Variants in AKIRIN2 observed in about 807,000 individuals in gnomAD.
AKIRIN2 encodes the protein akirin 2, also known as akirin-2.
A neutral mutation model predicts 29.3 loss-of-function variants in AKIRIN2; 6 were observed. The ratio of observed to expected loss-of-function variants is 0.20; its 90% CI spans 0.11 to 0.40. AKIRIN2 has a LOEUF of 0.40. Ranked by LOEUF, AKIRIN2 falls within the 10% of genes least tolerant of loss-of-function variation. The probability of loss-of-function intolerance (pLI) is 1.00; values close to 1 mark genes in which losing one functional copy is unlikely to be tolerated. For synonymous variants in AKIRIN2, 128 were observed against 117.5 expected (o/e 1.09, Z -0.58); for missense variants, 210 against 276.1 (o/e 0.76, Z 1.70).
At chr6:87,686,486 T>C (rs1402562872) in intron 1 of AKIRIN2, among the ~76,000 whole-genome samples, 1 of 152,096 alleles carries the variant, frequency 6.6e-6, no homozygotes, top group Non-Finnish European at 1.5e-5. Flanking sequence ...TCAAAATATC[T>C]TTCTAGGGTC....
In AKIRIN2 at chr6:87,675,251, T is replaced by C. The variant is rs1437066748; in HGVS notation, c.*346A>G. The C allele has an allele frequency of 6.7e-6, 2 of 299,790 alleles. No homozygotes were observed. The highest frequency in any genetic ancestry group is 2.1e-5 in the African/African-American group (1 of 47,288). The allele number at this position is 299,790 out of a possible 1,614,324, so 18.6% of individuals were successfully genotyped here. A position where few individuals can be genotyped will look rare whatever the true frequency, so the allele number is the denominator to read the frequency against. Reference sequence around the variant, plus strand: ...CAATTAAAATCACACTAACTTCATCTGAAGTGTCATTCTACAGTTTTATTT... The same window carrying C: ...CAATTAAAATCACACTAACTTCATCCGAAGTGTCATTCTACAGTTTTATTT... On this transcript the variant is annotated 3_prime_UTR_variant, in exon 5 of 5. Coordinates refer to ENST00000257787, the MANE Select transcript of AKIRIN2 (RefSeq NM_018064.4).
chr6:87,682,946 C>CT (rs1462167691), intron 1 of AKIRIN2, among the ~76,000 whole-genome samples: 1 of 152,010 alleles, frequency 6.6e-6, no homozygotes, highest in Admixed American at 6.6e-5. Context: ...AAAAAGAAAG[C>CT]TAAAGATTTA....
chr6:87,677,736 AG>A, intron 3 of AKIRIN2, 81 bp downstream of exon 3: 1 of 1,485,296 alleles, frequency 6.7e-7, no homozygotes. Context: ...ACCAGTGTAT[AG>A]AAAGTGAAAT....
chr6:87,691,335 G>T (rs1258954867), intron 1 of AKIRIN2, among the ~76,000 whole-genome samples: 1 of 151,366 alleles, frequency 6.6e-6, no homozygotes, highest in East Asian at 1.9e-4. Context: ...CAGCTACTTG[G>T]GTGGCTGAGG....
Position 87,702,151 on chromosome 6 carries a change from G to A in AKIRIN2, c.-467C>T. ...GGTCAGTAGCTTGCGAGCGGCGATC[G>A]ATGCAGAGAGATTGCGAGGTAGCTG... On this transcript the variant is annotated 5_prime_UTR_variant, in exon 1 of 5. Transcript: ENST00000257787. 1 of 398,640 alleles carries A rather than the reference G, an allele frequency of 2.5e-6. No individual in the cohort carries two copies. 24.7% of individuals were successfully genotyped at this position (398,640 alleles called of 1,614,324 possible). A position where few individuals can be genotyped will look rare whatever the true frequency, so the allele number is the denominator to read the frequency against.
At position 87,701,454 on chromosome 6, in the gene AKIRIN2, G is replaced by A. The variant is rs1582128518; in HGVS notation, c.231C>T (p.Thr77=). 4 of 1,528,724 alleles carry A rather than the reference G, an allele frequency of 2.6e-6. No homozygotes were observed. The highest frequency in any genetic ancestry group is 3.5e-6 in the Non-Finnish European group (4 of 1,140,146). The allele number at this position is 1,528,724 out of a possible 1,614,324, so 94.7% of individuals were successfully genotyped here. Residue 77 remains threonine (T), a synonymous_variant, in exon 1 of 5, where the codon ACC becomes ACT. Transcript: ENST00000257787. ...SPFGDVSSRL[T]TEQILYNIKQ... ...GGCCGCGGGGCCGGGTCCCACCTGT[G>A]GTGAGGCGGGAGGAGACGTCGCCGA...
chr6:87,679,190 A>T (rs910784577), intron 2 of AKIRIN2, among the ~76,000 whole-genome samples: 1 of 143,532 alleles, frequency 7.0e-6, no homozygotes, highest in African/African-American at 3.0e-5. Flanking sequence ...TTTTATGTTT[A>T]AAAAAAGAAG....
Position 87,681,754 on chromosome 6 carries a change from A to C in AKIRIN2, c.245T>G (p.Leu82Arg). ...VSSRLTTEQILYNIKQEYKRM... is the reference protein window; with the variant it reads ...VSSRLTTEQIRYNIKQEYKRM... The stretch of plus-strand genomic sequence containing the variant: ...TTTATACTCTTGTTTTATGTTGTAC[A>C]GAATTTGTTCTAAAATAAAAAAGTT... The change falls in exon 2 of 5, where the codon CTG (leucine) becomes CGG (arginine). Residue 82 changes from leucine to arginine, a missense_variant. Around this residue, in one of 2 missense-constraint regions of AKIRIN2, gnomAD observed 199 missense variants for 236.5 expected, o/e 0.84. Coordinates refer to ENST00000257787, the MANE Select transcript of AKIRIN2 (RefSeq NM_018064.4). 1.3e-6 allele frequency: 2 copies of C among 1,582,898 alleles called. No individual in the cohort carries two copies. Among genetic ancestry groups the C allele is most frequent in the Non-Finnish European group, 1.7e-6 (2 of 1,169,486 alleles).
intron 1 of AKIRIN2, among the ~76,000 whole-genome samples, chr6:87,687,247 A>G (rs116675334): frequency 0.033 from 4,894 of 148,496 alleles, 273 homozygotes; most frequent in African/African-American, 0.12. Context: ...TTCTAAATTA[A>G]AACACACAAC....
intron 1 of AKIRIN2, among the ~76,000 whole-genome samples, chr6:87,691,096 CA>C (rs1771270660): frequency 6.6e-6 from 1 of 152,130 alleles, no homozygotes; most frequent in African/African-American, 2.4e-5. Context: ...ATCGATTTCA[CA>C]AAAGTTCTGA....
At chr6:87,690,219 AC>A (rs1285298749) in intron 1 of AKIRIN2, among the ~76,000 whole-genome samples, 2 of 151,036 alleles carry the variant, frequency 1.3e-5, no homozygotes, top group Admixed American at 1.3e-4. Context: ...AAAAAAAAAA[AC>A]CAAAAAAACA....
At position 87,681,659 on chromosome 6, in the gene AKIRIN2, G is replaced by C. The variant is rs11666; in HGVS notation, c.340C>G (p.Gln114Glu). ...CCACTGAGGAGAAATGCATGTGGCT[G>C]TGCATCAGAAGTACAACACGGATCT... is the stretch of plus-strand genomic sequence containing the variant. ...QTDPCCTSDA[Q>E]PHAFLLSGPA... is the part of the protein sequence containing the mutation. The change falls in exon 2 of 5, where the codon CAG becomes GAG. Residue 114 changes from glutamine (Q) to glutamate (E), a missense_variant. This residue lies in a region of AKIRIN2 where 199 missense variants were observed against 236.5 expected (regional missense o/e 0.84). Transcript: ENST00000257787. 1.9e-6 allele frequency: 3 copies of C among 1,612,524 alleles called. No homozygotes were observed. Among genetic ancestry groups the C allele is most frequent in the Non-Finnish European group, 2.5e-6 (3 of 1,179,646 alleles).
At chr6:87,685,672 A>G (rs1301149998) in intron 1 of AKIRIN2, among the ~76,000 whole-genome samples, 2 of 152,214 alleles carry the variant, frequency 1.3e-5, no homozygotes, top group African/African-American at 4.8e-5. Flanking sequence ...AGAGCAAAAT[A>G]TCTAGAGTTA....
At chr6:87,694,778 G>C (rs546166457) in intron 1 of AKIRIN2, among the ~76,000 whole-genome samples, 1 of 152,146 alleles carries the variant, frequency 6.6e-6, no homozygotes, top group Non-Finnish European at 1.5e-5. Context: ...CTTAGTGCTA[G>C]AAAGTTTACC....
At chr6:87,698,574 A>G (rs1771408460) in intron 1 of AKIRIN2, among the ~76,000 whole-genome samples, 1 of 152,180 alleles carries the variant, frequency 6.6e-6, no homozygotes, top group South Asian at 2.1e-4. Flanking sequence ...CCATCCCTAG[A>G]CCCTGAACAG....
intron 1 of AKIRIN2, among the ~76,000 whole-genome samples, chr6:87,689,376 T>C (rs1019712585): frequency 3.3e-5 from 5 of 152,112 alleles, no homozygotes; most frequent in Admixed American, 6.5e-5. Context: ...AGGTGGTGCA[T>C]GCCTGTAATC....
intron 2 of AKIRIN2, among the ~76,000 whole-genome samples, chr6:87,680,283 ATTTTTTTT>A (rs10563070): frequency 1.1e-3 from 87 of 79,608 alleles, no homozygotes; most frequent in Middle Eastern, 7.7e-3. Flanking sequence ...ATGGTCTTTG[ATTTTTTTT>A]TTTTTTTTTT....
chr6:87,681,293 C>G (rs565690756), intron 2 of AKIRIN2, among the ~76,000 whole-genome samples: 1 of 152,116 alleles, frequency 6.6e-6, no homozygotes, highest in East Asian at 1.9e-4. Context: ...CTACCTCGCT[C>G]GGCCTCCCCA....
intron 1 of AKIRIN2, among the ~76,000 whole-genome samples, chr6:87,688,975 ACCAG>A (rs2128302014): frequency 6.6e-6 from 1 of 152,322 alleles, no homozygotes; most frequent in South Asian, 2.1e-4. Flanking sequence ...GCTATACAGT[ACCAG>A]TGAAATGAAA....
Sources: gnomAD v4.1 joint callset for allele counts (sites outside exome capture counted in the v4.1 genomes callset) on GRCh38, gnomAD v4.1.1 for gene constraint, gnomAD v4.1.1 regional missense constraint, MANE v1.5 for transcripts, NCBI Gene and HGNC (gene_info 2026-07-23, HGNC 2026-07-21) for gene names.